Variants in CCBE1 observed in about 807,000 individuals in gnomAD.
CCBE1 encodes collagen and calcium binding EGF domains 1, also known as collagen and calcium-binding EGF domain-containing protein 1.
Under a neutral mutation model 50.0 loss-of-function variants are expected in CCBE1, and 37 were observed. That is an observed-to-expected ratio of 0.74 (90% CI 0.57 to 0.97). The LOEUF is 0.97. CCBE1 is among the 50% of genes least tolerant of loss of function. CCBE1 has a pLI of 0.00. For synonymous variants in CCBE1, 234 were observed against 203.7 expected (o/e 1.15, Z -1.27); for missense variants, 538 against 523.8 (o/e 1.03, Z -0.26).
chr18:59,610,161 G>C (rs1599060254), intron 2 of CCBE1, among the ~76,000 whole-genome samples: 2 of 152,214 alleles, frequency 1.3e-5, no homozygotes, highest in South Asian at 4.1e-4. Context: ...CACCAAGTTT[G>C]CAACAGTGGC....
At chr18:59,530,433 T>C (rs920601166) in intron 2 of CCBE1, among the ~76,000 whole-genome samples, 2 of 152,232 alleles carry the variant, frequency 1.3e-5, no homozygotes, top group Non-Finnish European at 2.9e-5. Flanking sequence ...GTTGGTCACA[T>C]CACTGCTTTT....
At chr18:59,563,302 C>A (rs2052769470) in intron 2 of CCBE1, among the ~76,000 whole-genome samples, 1 of 152,210 alleles carries the variant, frequency 6.6e-6, no homozygotes, top group African/African-American at 2.4e-5. Context: ...AAAATAAGCA[C>A]AATTAGTTTT....
intron 2 of CCBE1, among the ~76,000 whole-genome samples, chr18:59,579,290 C>T (rs1442055505): frequency 2.0e-5 from 3 of 152,058 alleles, no homozygotes; most frequent in African/African-American, 7.3e-5. Context: ...AGCAACAATT[C>T]ACAGTTCCAT....
chr18:59,639,113 A>C (rs1599089282), intron 2 of CCBE1, among the ~76,000 whole-genome samples: 3 of 152,188 alleles, frequency 2.0e-5, no homozygotes, highest in Admixed American at 2.0e-4. Context: ...GTCTCTAAAA[A>C]AATTGAAAAA....
At position 59,466,812 on chromosome 18, in the gene CCBE1, C is replaced by T; in HGVS notation, c.480G>A (p.Glu160=). Reference sequence around the variant, plus strand: ...CTTCCCGGATGTAGCCTTCCCGGCACTCGCAGCGGTAGCTGCCCAAGGTAT... The same window carrying T: ...CTTCCCGGATGTAGCCTTCCCGGCATTCGCAGCGGTAGCTGCCCAAGGTAT... The part of the protein sequence containing the change: ...CINTLGSYRC[E]CREGYIREDD... Residue 160 remains glutamate (E), a synonymous_variant, in exon 5 of 11, where the codon GAG becomes GAA. Transcript: ENST00000439986. 1 of 1,613,836 alleles carries T rather than the reference C, an allele frequency of 6.2e-7. No homozygotes were observed. Among genetic ancestry groups the T allele is most frequent in the Non-Finnish European group, 8.5e-7 (1 of 1,179,932 alleles).
rs377310931 is a variant in CCBE1, at chr18:59,578,598, C to T, written c.213-98360G>A. ...TAAAGAAAATATGGCACATATACAC[C>T]GTAGAATACTATGCACCCATAAAAA... On this transcript the variant is annotated intron_variant, in intron 2 of 10. Coordinates refer to ENST00000439986, the MANE Select transcript of CCBE1 (RefSeq NM_133459.4). Among the ~76,000 whole-genome samples the T allele has an allele frequency of 5.2e-3, 799 of 152,280 alleles. 11 individuals are homozygous for T. Among genetic ancestry groups the T allele is most frequent in the African/African-American group, 0.018 (747 of 41,548 alleles).
chr18:59,443,819 C>T (rs1420266864), intron 7 of CCBE1, among the ~76,000 whole-genome samples: 1 of 151,974 alleles, frequency 6.6e-6, no homozygotes, highest in African/African-American at 2.4e-5. Context: ...AAGTATATTC[C>T]CATTGTTGTG....
At chr18:59,476,547 G>T (rs1912315457) in intron 3 of CCBE1, among the ~76,000 whole-genome samples, 1 of 152,210 alleles carries the variant, frequency 6.6e-6, no homozygotes, top group African/African-American at 2.4e-5. Context: ...TAGTGCAAAA[G>T]AAGTCACACA....
intron 6 of CCBE1, among the ~76,000 whole-genome samples, chr18:59,448,872 G>T (rs781507865): frequency 6.6e-5 from 10 of 152,178 alleles, no homozygotes; most frequent in Non-Finnish European, 1.3e-4. Flanking sequence ...AGTCACCACT[G>T]TGTGCCTGGG....
chr18:59,452,398 C>T (rs926849472), intron 6 of CCBE1, among the ~76,000 whole-genome samples: 5 of 152,122 alleles, frequency 3.3e-5, no homozygotes, highest in African/African-American at 1.2e-4. Context: ...CAAGACCATC[C>T]TGGCCAACAT....
chr18:59,485,371 G>A (rs1023244484), intron 2 of CCBE1, among the ~76,000 whole-genome samples: 1 of 152,068 alleles, frequency 6.6e-6, no homozygotes, highest in African/African-American at 2.4e-5. Context: ...AACAGAGACT[G>A]CATCATCAGA....
chr18:59,666,993 G>T (rs2054367203), intron 2 of CCBE1, among the ~76,000 whole-genome samples: 1 of 152,094 alleles, frequency 6.6e-6, no homozygotes, highest in African/African-American at 2.4e-5. Context: ...GTTACAAGAG[G>T]CCAGGCTCAG....
intron 2 of CCBE1, among the ~76,000 whole-genome samples, chr18:59,684,859 C>T (rs928146960): frequency 6.6e-6 from 1 of 152,248 alleles, no homozygotes; most frequent in South Asian, 2.1e-4. Context: ...TTAACTCAAG[C>T]CCGTAAGAAG....
At chr18:59,631,708 T>C (rs537281810) in intron 2 of CCBE1, among the ~76,000 whole-genome samples, 133 of 152,262 alleles carry the variant, frequency 8.7e-4, no homozygotes, top group Non-Finnish European at 1.4e-3. Flanking sequence ...TTAAACCAAA[T>C]AACACCAACT....
intron 2 of CCBE1, among the ~76,000 whole-genome samples, chr18:59,690,954 C>CT (rs2054722875): frequency 6.6e-6 from 1 of 152,214 alleles, no homozygotes; most frequent in African/African-American, 2.4e-5. Flanking sequence ...AATCTAGCAC[C>CT]TGTTACACAT....
intron 2 of CCBE1, among the ~76,000 whole-genome samples, chr18:59,577,878 T>C (rs1276068510): frequency 1.3e-5 from 2 of 152,116 alleles, no homozygotes; most frequent in African/African-American, 4.8e-5. Flanking sequence ...ATCTAGGCAA[T>C]ACCAACCAGG....
chr18:59,646,550 G>A (rs1000443616), intron 2 of CCBE1, among the ~76,000 whole-genome samples: 1 of 152,184 alleles, frequency 6.6e-6, no homozygotes, highest in Non-Finnish European at 1.5e-5. Flanking sequence ...CTCAACTTGG[G>A]AATAGTTTGG....
intron 2 of CCBE1, among the ~76,000 whole-genome samples, chr18:59,542,377 T>C (rs1915504695): frequency 6.6e-6 from 1 of 152,148 alleles, no homozygotes; most frequent in Admixed American, 6.5e-5. Flanking sequence ...CGTGGCATGA[T>C]AAATTACATT....
chr18:59,532,786 C>T (rs570682834), intron 2 of CCBE1, among the ~76,000 whole-genome samples: 12 of 152,294 alleles, frequency 7.9e-5, no homozygotes, highest in African/African-American at 2.4e-4. Context: ...ATTCAAAATA[C>T]GGAGATTTCA....
Sources: allele counts gnomAD v4.1 joint callset (sites outside exome capture counted in the v4.1 genomes callset), GRCh38; gene constraint gnomAD v4.1.1; transcripts MANE v1.5; gene names NCBI Gene and HGNC (gene_info 2026-07-23, HGNC 2026-07-21).